ARHGEF9: variants seen among roughly 807,000 people sequenced by gnomAD.
ARHGEF9 encodes the protein Cdc42 guanine nucleotide exchange factor 9, also known as rho guanine nucleotide exchange factor 9.
Under a neutral mutation model 41.3 loss-of-function variants are expected in ARHGEF9, and 2 were observed. The ratio of observed to expected loss-of-function variants is 0.05; its 90% confidence interval spans 0.02 to 0.15. ARHGEF9 has a LOEUF of 0.15. ARHGEF9 is among the 10% of genes least tolerant of loss of function. The pLI, the probability that ARHGEF9 is intolerant of heterozygous loss-of-function variation, is 1.00. For synonymous variants in ARHGEF9, 160 were observed against 154.4 expected (o/e 1.04, Z -0.27); for missense variants, 225 against 424.7 (o/e 0.53, Z 4.13).
chrX:63,724,314 G>A (rs1247977303), intron 2 of ARHGEF9, among the ~76,000 whole-genome samples: 1 of 111,022 alleles, frequency 9.0e-6, no homozygotes, highest in East Asian at 2.8e-4. Context: ...GTGGTGGGGC[G>A]GGGGTGTTAA....
chrX:63,784,013 C>T (rs1169832588), intron 1 of ARHGEF9, among the ~76,000 whole-genome samples: 1 of 111,553 alleles, frequency 9.0e-6, no homozygotes, highest in East Asian at 2.8e-4. Context: ...ATAGTCCTAG[C>T]CCACACCAGA....
intron 1 of ARHGEF9, chrX:63,727,665 C>A (rs1282181836): frequency 9.0e-6 from 1 of 111,448 alleles, no homozygotes; most frequent in Admixed American, 9.5e-5. Context: ...GAATTTAAGA[C>A]CTTGTTATAC....
intron 2 of ARHGEF9, among the ~76,000 whole-genome samples, chrX:63,712,279 T>G (rs2052987847): frequency 8.9e-6 from 1 of 111,974 alleles, no homozygotes; most frequent in South Asian, 3.7e-4. Context: ...AGGTGCGTAC[T>G]CAAGAGAAAT....
intron 1 of ARHGEF9, among the ~76,000 whole-genome samples, chrX:63,765,225 T>A (rs1207954108): frequency 1.8e-5 from 2 of 110,655 alleles, no homozygotes; most frequent in Non-Finnish European, 3.8e-5. Flanking sequence ...CAGTCTATCA[T>A]GAGATGCCAA....
chrX:63,651,284 A>T (rs781856304), intron 8 of ARHGEF9, among the ~76,000 whole-genome samples: 5 of 111,572 alleles, frequency 4.5e-5, no homozygotes, highest in Admixed American at 9.6e-5. Flanking sequence ...AGAAGCAATG[A>T]TAAGAGTGAA....
At chrX:63,754,244 T>C in intron 1 of ARHGEF9, 3 of 1,146,442 alleles carry the variant, frequency 2.6e-6, no homozygotes, top group South Asian at 3.6e-5. Flanking sequence ...TAGGCAACTA[T>C]ACGCGCAGGC....
chrX:63,724,468 T>A (rs879952145), intron 2 of ARHGEF9, 64 bp downstream of exon 2: 1 of 1,125,065 alleles, frequency 8.9e-7, no homozygotes, highest in African/African-American at 1.8e-5. Flanking sequence ...CAGAGGCTGG[T>A]GAAGGGGAAG....
rs782685817 is a variant in ARHGEF9, at chrX:63,696,821, C to A, written c.582+304G>T. On this transcript the variant is annotated intron_variant, in intron 4 of 9. Transcript: ENST00000671741. ...TAATGGTACTCCACCACATACGACA[C>A]TGCCATGCAATCAACAACAGCCTTG... 2.7e-5 allele frequency among the ~76,000 whole-genome samples: 3 copies of A among 111,946 alleles called. No homozygotes were observed. In the East Asian group the frequency reaches 8.5e-4, roughly 32 times the overall value.
chrX:63,729,928 C>T (rs182372146), intron 1 of ARHGEF9, among the ~76,000 whole-genome samples: 1 of 112,256 alleles, frequency 8.9e-6, no homozygotes, highest in South Asian at 3.7e-4. Flanking sequence ...TCCAGATTTC[C>T]GAAGACAATC....
In ARHGEF9 at chrX:63,635,769, G is replaced by A. The variant is rs879992796; in HGVS notation, c.*2259C>T. 6.2e-5 allele frequency: 11 copies of A among 178,511 alleles called. No homozygotes were observed. In the East Asian group the frequency reaches 1.2e-3, roughly 20 times the overall value. The allele number at this position is 178,511 out of a possible 1,213,427, so 14.7% of individuals were successfully genotyped here. A position where few individuals can be genotyped will look rare whatever the true frequency, so the allele number is the denominator to read the frequency against. On this transcript the variant is annotated 3_prime_UTR_variant, in exon 10 of 10. Coordinates refer to ENST00000671741, the MANE Select transcript of ARHGEF9 (RefSeq NM_001353921.2). Reference sequence around the variant, plus strand: ...GAAACTTGTCCAAGCATCCCCTCCCGGTGTGCTGCCAACCCTCGAAGAAGC... The same window carrying A: ...GAAACTTGTCCAAGCATCCCCTCCCAGTGTGCTGCCAACCCTCGAAGAAGC...
chrX:63,705,721 C>T lies in ARHGEF9; in HGVS notation c.402+537G>A, dbSNP rs1216655244. Among the ~76,000 whole-genome samples, 123 of 111,487 alleles carry T rather than the reference C, an allele frequency of 1.1e-3. 1 individual carries two copies. Among genetic ancestry groups the T allele is most frequent in the African/African-American group, 3.5e-3 (107 of 30,657 alleles). ...TCTCCAAGTGAGAGAGTAGGACCAG[C>T]AGCATCAGAATCACCAGGGATGCTC... On this transcript the variant is annotated intron_variant, in intron 3 of 9. Coordinates refer to ENST00000671741, the MANE Select transcript of ARHGEF9 (RefSeq NM_001353921.2).
At chrX:63,647,702 G>T (rs1480604634) in intron 8 of ARHGEF9, among the ~76,000 whole-genome samples, 1 of 110,352 alleles carries the variant, frequency 9.1e-6, no homozygotes, top group East Asian at 2.8e-4. Context: ...CTTTTTTTGT[G>T]GTGTCTCTGC....
chrX:63,764,272 C>A (rs1487535834), intron 1 of ARHGEF9, among the ~76,000 whole-genome samples: 1 of 112,383 alleles, frequency 8.9e-6, no homozygotes, highest in Admixed American at 9.4e-5. Context: ...AATGACATAC[C>A]ATCTCATCGC....
At chrX:63,652,385 C>A (rs1190803385) in intron 8 of ARHGEF9, among the ~76,000 whole-genome samples, 1 of 111,106 alleles carries the variant, frequency 9.0e-6, no homozygotes, top group African/African-American at 3.3e-5. Context: ...CTAAACAATA[C>A]AGTATAACAA....
intron 1 of ARHGEF9, among the ~76,000 whole-genome samples, chrX:63,730,432 C>T (rs1331774841): frequency 9.0e-6 from 1 of 111,731 alleles, no homozygotes; most frequent in Non-Finnish European, 1.9e-5. Flanking sequence ...ATTTGCCAGT[C>T]CCCCATGGAA....
intron 8 of ARHGEF9, among the ~76,000 whole-genome samples, chrX:63,645,850 G>T (rs782695021): frequency 1.2e-3 from 134 of 112,001 alleles, no homozygotes; most frequent in Non-Finnish European, 1.9e-3. Context: ...CACCAACAGT[G>T]TAAAAGTGTT....
At chrX:63,686,993 C>A (rs2051025199) in intron 4 of ARHGEF9, among the ~76,000 whole-genome samples, 1 of 107,454 alleles carries the variant, frequency 9.3e-6, no homozygotes, top group Non-Finnish European at 1.9e-5. Flanking sequence ...CCTGCCTCAA[C>A]CTGTAAGAAG....
intron 4 of ARHGEF9, among the ~76,000 whole-genome samples, chrX:63,683,444 A>C (rs1367697954): frequency 1.8e-5 from 2 of 111,625 alleles, no homozygotes; most frequent in Non-Finnish European, 3.8e-5. Flanking sequence ...TAGAGATTCA[A>C]CACAACCCCT....
At chrX:63,651,602 C>A (rs1286860141) in intron 8 of ARHGEF9, among the ~76,000 whole-genome samples, 1 of 110,834 alleles carries the variant, frequency 9.0e-6, no homozygotes, top group Non-Finnish European at 1.9e-5. Flanking sequence ...TAAAAATAAA[C>A]CAAAAATATA....
Sources: gnomAD v4.1 joint callset for allele counts (sites outside exome capture counted in the v4.1 genomes callset) on GRCh38, gnomAD v4.1.1 for gene constraint, MANE v1.5 for transcripts, NCBI Gene and HGNC (gene_info 2026-07-23, HGNC 2026-07-21) for gene names.